Variants in TRPM6 observed in about 807,000 individuals in gnomAD.
The protein encoded by TRPM6 is channel kinase 2.
A neutral mutation model predicts 247.6 loss-of-function variants in TRPM6; 111 were observed. The observed-to-expected ratio is 0.45, with a 90% CI of 0.38 to 0.52. The LOEUF (loss-of-function observed/expected upper bound fraction) is 0.52. Among genes scored for constraint, TRPM6 ranks in the 20% least tolerant of loss-of-function variants. TRPM6 has a pLI of 0.00. For synonymous variants in TRPM6, 892 were observed against 853.8 expected (o/e 1.04, Z -0.78); for missense variants, 2,126 against 2,421.5 (o/e 0.88, Z 2.56).
intron 31 of TRPM6, 79 bp from the exon 32 acceptor site, chr9:74,744,224 GTTA>G (rs1174074373): frequency 1.4e-6 from 2 of 1,451,060 alleles, no homozygotes; most frequent in Non-Finnish European, 1.9e-6. Flanking sequence ...TGCCTTCAAA[GTTA>G]TTATTGAACA....
chr9:74,862,096 GAAAAAAAAA>G (rs577562437), intron 1 of TRPM6, among the ~76,000 whole-genome samples: 10 of 100,546 alleles, frequency 9.9e-5, no homozygotes, highest in African/African-American at 4.0e-4. Flanking sequence ...AAAACTACCA[GAAAAAAAAA>G]AAAAAAAAAA....
At chr9:74,772,137 C>T (rs983285511) in intron 24 of TRPM6, among the ~76,000 whole-genome samples, 1 of 151,972 alleles carries the variant, frequency 6.6e-6, no homozygotes, top group African/African-American at 2.4e-5. Context: ...AAAAAAATTT[C>T]AATATTAGCT....
At chr9:74,771,611 G>A in intron 25 of TRPM6, 92 bp downstream of exon 25, 2 of 1,287,014 alleles carry the variant, frequency 1.6e-6, no homozygotes, top group East Asian at 2.3e-5. Flanking sequence ...TCAAACCTCT[G>A]GGATTTGAAA....
At chr9:74,742,890 C>T (rs989379018) in intron 32 of TRPM6, among the ~76,000 whole-genome samples, 4 of 152,160 alleles carry the variant, frequency 2.6e-5, no homozygotes, top group African/African-American at 9.7e-5. Context: ...CTCCTGAATA[C>T]CAAATCACAT....
intron 23 of TRPM6, 43 bp from the exon 24 acceptor site, chr9:74,776,119 T>C (rs752240507): frequency 3.3e-6 from 5 of 1,533,248 alleles, no homozygotes; most frequent in Non-Finnish European, 4.5e-6. Flanking sequence ...TAATATGAAG[T>C]CTTGAAAGGT....
intron 23 of TRPM6, among the ~76,000 whole-genome samples, chr9:74,780,454 C>CA (rs200558762): frequency 0.091 from 10,594 of 116,374 alleles, 474 homozygotes; most frequent in East Asian, 0.19. Flanking sequence ...AACTCCGTCT[C>CA]AAAAAAAAAA....
chr9:74,800,170 A>C lies in TRPM6; in HGVS notation c.2238+84T>G. The C allele has an allele frequency of 2.3e-6, 3 of 1,324,238 alleles. No homozygotes were observed. The Admixed American group carries it at 5.5e-5, about 24-fold the overall frequency. 82.0% of individuals were successfully genotyped at this position (1,324,238 alleles called of 1,614,324 possible). A position where few individuals can be genotyped will look rare whatever the true frequency, so the allele number is the denominator to read the frequency against. On this transcript the variant is annotated intron_variant, in intron 17 of 38. Coordinates refer to ENST00000360774, the MANE Select transcript of TRPM6 (RefSeq NM_017662.5). ...TATTAACTGGTTTTCCTGAAGACAC[A>C]ATTCTGGAACAAAATGTAACTCGAG... is the stretch of plus-strand genomic sequence containing the variant.
intron 18 of TRPM6, 72 bp downstream of exon 18, chr9:74,796,669 A>C (rs1587515592): frequency 6.6e-7 from 1 of 1,515,612 alleles, no homozygotes; most frequent in South Asian, 1.1e-5. Context: ...TATATAAGTA[A>C]ACTTTAAGGA....
At chr9:74,760,280 A>T (rs1288150222) in intron 27 of TRPM6, among the ~76,000 whole-genome samples, 1 of 152,166 alleles carries the variant, frequency 6.6e-6, no homozygotes, top group East Asian at 1.9e-4. Context: ...ACCAATTTTT[A>T]TCTTTTATAC....
intron 37 of TRPM6, among the ~76,000 whole-genome samples, chr9:74,732,233 T>C (rs1338414615): frequency 6.6e-6 from 1 of 152,224 alleles, no homozygotes; most frequent in Non-Finnish European, 1.5e-5. Context: ...CTCATAAGAT[T>C]TGCTGTTACT....
chr9:74,805,114 T>C (rs552629726), intron 14 of TRPM6, among the ~76,000 whole-genome samples: 2 of 152,334 alleles, frequency 1.3e-5, no homozygotes, highest in South Asian at 4.1e-4. Context: ...TCTAACATAA[T>C]TGGATAAAAT....
intron 11 of TRPM6, 108 bp downstream of exon 11, chr9:74,816,561 C>G (rs1828938668): frequency 1.1e-6 from 1 of 895,890 alleles, no homozygotes; most frequent in Admixed American, 2.0e-5. Flanking sequence ...GATGCTACCC[C>G]ACACTTCTAC....
intron 6 of TRPM6, among the ~76,000 whole-genome samples, chr9:74,829,428 C>T (rs2118077157): frequency 6.6e-6 from 1 of 152,290 alleles, no homozygotes; most frequent in Admixed American, 6.5e-5. Context: ...CTTTTAGAGG[C>T]AAAAGCACAA....
rs190522216 is a variant in TRPM6 at position 74,789,202 on chromosome 9, A to G, written c.2539-460T>C. Among the ~76,000 whole-genome samples the G allele has an allele frequency of 1.2e-4, 19 of 152,290 alleles. 1 individual carries two copies. The highest frequency in any genetic ancestry group is 3.8e-4 in the African/African-American group (16 of 41,562). On this transcript the variant is annotated intron_variant, in intron 19 of 38. Coordinates refer to ENST00000360774, the MANE Select transcript of TRPM6 (RefSeq NM_017662.5). ...GGCATTTACCACTGCTGGGAGTTCT[A>G]TTTTATGTTGATTAAAATACTCTGT...
intron 1 of TRPM6, chr9:74,887,288 G>T: frequency 7.4e-7 from 1 of 1,354,754 alleles, no homozygotes; most frequent in South Asian, 2.1e-5. Flanking sequence ...GGGCGCACGG[G>T]GACGCGCAGG....
chr9:74,848,694 G>A (rs186004123), intron 3 of TRPM6, among the ~76,000 whole-genome samples: 6 of 152,244 alleles, frequency 3.9e-5, no homozygotes, highest in Admixed American at 3.9e-4. Flanking sequence ...TGCCCCGCCT[G>A]AAAGAGTCAA....
intron 1 of TRPM6, among the ~76,000 whole-genome samples, chr9:74,863,257 G>A (rs1291291483): frequency 1.3e-5 from 2 of 151,880 alleles, no homozygotes; most frequent in Non-Finnish European, 2.9e-5. Flanking sequence ...ATGTTGGCCA[G>A]GCTGGTCTCA....
chr9:74,858,548 T>C (rs1830596953), intron 2 of TRPM6, 121 bp downstream of exon 2: 6 of 620,470 alleles, frequency 9.7e-6, no homozygotes, highest in Non-Finnish European at 1.7e-5. Context: ...GAAATAAACA[T>C]TGAAAATTCT....
At chr9:74,768,869 T>C (rs1207579437) in intron 25 of TRPM6, among the ~76,000 whole-genome samples, 1 of 152,216 alleles carries the variant, frequency 6.6e-6, no homozygotes, top group East Asian at 1.9e-4. Flanking sequence ...TAGTTTAGAG[T>C]AAACGGCTCT....
Sources: allele counts gnomAD v4.1 joint callset (sites outside exome capture counted in the v4.1 genomes callset), GRCh38; gene constraint gnomAD v4.1.1; transcripts MANE v1.5; gene names NCBI Gene and HGNC (gene_info 2026-07-23, HGNC 2026-07-21).